MCM9: variants seen among roughly 807,000 people sequenced by gnomAD.
MCM9 encodes minichromosome maintenance 9 homologous recombination repair factor, also known as DNA helicase MCM9.
In MCM9, 55 loss-of-function variants were observed where a neutral mutation model predicts 72.8. That is an observed-to-expected ratio of 0.76 (90% CI 0.61 to 0.95). The LOEUF (loss-of-function observed/expected upper bound fraction) is 0.95, where lower values mean the gene tolerates loss of function less well. Among genes scored for constraint, MCM9 ranks in the 40% least tolerant of loss-of-function variants. MCM9 has a pLI of 0.00. For synonymous variants in MCM9, 480 were observed against 503.4 expected (o/e 0.95, Z 0.62); for missense variants, 1,279 against 1,377.0 (o/e 0.93, Z 1.13).
chr6:118,889,630 T>C (rs917213449), intron 8 of MCM9, among the ~76,000 whole-genome samples: 8 of 152,116 alleles, frequency 5.3e-5, no homozygotes, highest in African/African-American at 1.9e-4. Flanking sequence ...AAGACCTTGA[T>C]TGATAAGAGG....
chr6:118,839,556 T>G (rs906867726), intron 9 of MCM9, among the ~76,000 whole-genome samples: 1 of 152,174 alleles, frequency 6.6e-6, no homozygotes, highest in Non-Finnish European at 1.5e-5. Flanking sequence ...CTCATCTTTG[T>G]GGATTTATCT....
In MCM9 at chr6:118,856,359, A is replaced by G. The variant is rs1776552053; in HGVS notation, c.1325+12T>C. ...ATCTCATTATTCCCATAGATTTTAA[A>G]GAAACTCTTACCCAGCCTTAGCAAC... On this transcript the variant is annotated intron_variant, in intron 9 of 13. Coordinates refer to ENST00000619706, the MANE Select transcript of MCM9 (RefSeq NM_017696.3). The G allele has an allele frequency of 6.6e-7, 1 of 1,524,610 alleles. No individual in the cohort carries two copies. The highest frequency in any genetic ancestry group is 1.2e-5 in the South Asian group (1 of 81,904). 94.4% of individuals were successfully genotyped at this position (1,524,610 alleles called of 1,614,324 possible).
In MCM9 at chr6:118,913,420, C is replaced by T. The variant is rs1433338277; in HGVS notation, c.905G>A (p.Gly302Glu). 13 of 1,611,722 alleles carry T rather than the reference C, an allele frequency of 8.1e-6. No individual in the cohort carries two copies. Among genetic ancestry groups the T allele is most frequent in the Non-Finnish European group, 1.1e-5 (13 of 1,179,372 alleles). ...CAAGCTAGCCAATATTACATTCCTT[C>T]CTAGGAAAAGCAGAAAGATCAGAAA... ...WEYYKSDPFA[G>E]RNVILASLCP... The change falls in exon 7 of 14, where the codon GGA becomes GAA. Residue 302 changes from glycine (G) to glutamate (E), a missense_variant and splice_region_variant. Transcript: ENST00000619706.
intron 3 of MCM9, among the ~76,000 whole-genome samples, chr6:118,928,816 C>G (rs997204998): frequency 6.6e-5 from 10 of 151,058 alleles, no homozygotes; most frequent in African/African-American, 2.4e-4. Flanking sequence ...TGTTGTGCAA[C>G]TGCATTCCAG....
Position 118,843,261 on chromosome 6 carries a change from T to C in MCM9, c.1325+13110A>G, listed in dbSNP as rs150720873. 1.8e-3 allele frequency among the ~76,000 whole-genome samples: 276 copies of C among 151,992 alleles called. 1 individual carries two copies. The highest frequency in any genetic ancestry group is 0.01 in the South Asian group (50 of 4,820). On this transcript the variant is annotated intron_variant, in intron 9 of 13. Transcript: ENST00000619706. ...AGCAATTTGTGAAATCACAGTTAAA[T>C]GAGACACTTAAGTGTGCTTATTTTC...
In MCM9 at chr6:118,924,141, C is replaced by CA. The variant is rs145722019; in HGVS notation, c.305-15dup. ...AGACAGGCAAACCTGATGGAGAAAA[C>CA]AAAAAAACAGCATCAACTTCAATCT... On this transcript the variant is annotated splice_polypyrimidine_tract_variant and intron_variant, in intron 3 of 13. Transcript: ENST00000619706. 1.9e-6 allele frequency: 3 copies of CA among 1,591,070 alleles called. No homozygotes were observed. The highest frequency in any genetic ancestry group is 1.1e-5 in the South Asian group (1 of 89,208).
intron 9 of MCM9, among the ~76,000 whole-genome samples, chr6:118,843,655 T>TATATATATAC (rs1491542240): frequency 2.6e-5 from 1 of 38,616 alleles, no homozygotes; most frequent in African/African-American, 9.9e-5. Flanking sequence ...TATATATATA[T>TATATATATAC]GTGTATATAT....
chr6:118,897,726 A>C (rs1373713972), intron 8 of MCM9, among the ~76,000 whole-genome samples: 1 of 152,128 alleles, frequency 6.6e-6, no homozygotes, highest in Non-Finnish European at 1.5e-5. Flanking sequence ...ACTTTAAAAT[A>C]AATGAACAAA....
intron 9 of MCM9, among the ~76,000 whole-genome samples, chr6:118,834,598 C>T (rs1359060181): frequency 6.6e-6 from 1 of 152,136 alleles, no homozygotes; most frequent in African/African-American, 2.4e-5. Context: ...TTGCACTTCT[C>T]TAATGACTAC....
intron 8 of MCM9, among the ~76,000 whole-genome samples, chr6:118,884,781 C>T (rs1778496758): frequency 6.6e-6 from 1 of 152,012 alleles, no homozygotes; most frequent in African/African-American, 2.4e-5. Flanking sequence ...TATACTAATA[C>T]CAGACAAAAG....
At position 118,924,038 on chromosome 6, in the gene MCM9, G is replaced by A. The variant is rs587777872; in HGVS notation, c.394C>T (p.Arg132Ter). 1.3e-5 allele frequency: 21 copies of A among 1,614,014 alleles called. No individual in the cohort carries two copies. The highest frequency in any genetic ancestry group is 1.7e-5 in the Non-Finnish European group (20 of 1,180,024). The part of the protein sequence containing the change: ...HFLSVTGTVI[R>*]TSLVKVLEFE... ...TCCAGAACCTTCACCAGACTTGTTCGAATCACTGTCCCAGTGACAGATAAA... is the reference window on the plus strand; with the variant it reads ...TCCAGAACCTTCACCAGACTTGTTCAAATCACTGTCCCAGTGACAGATAAA... The change falls in exon 4 of 14, where the codon CGA becomes TGA. Residue 132 changes from arginine (R) to a stop codon, truncating the protein, a stop_gained. Coordinates refer to ENST00000619706, the MANE Select transcript of MCM9 (RefSeq NM_017696.3). LOFTEE classifies it high-confidence loss of function.
intron 13 of MCM9, among the ~76,000 whole-genome samples, chr6:118,816,941 A>G (rs755452052): frequency 2.2e-4 from 33 of 152,334 alleles, no homozygotes; most frequent in South Asian, 1.2e-3. Flanking sequence ...TTTCCTGCAA[A>G]GCCCAGGCAT....
chr6:118,933,941 A>G (rs951236127), intron 1 of MCM9, among the ~76,000 whole-genome samples: 1 of 148,274 alleles, frequency 6.7e-6, no homozygotes, highest in African/African-American at 2.5e-5. Context: ...GGGAAGGAAT[A>G]TCTCCACAAT....
intron 9 of MCM9, among the ~76,000 whole-genome samples, chr6:118,837,618 T>C (rs951152365): frequency 6.6e-6 from 1 of 152,232 alleles, no homozygotes; most frequent in African/African-American, 2.4e-5. Context: ...TTTACCATTA[T>C]GTAGTACCCT....
At chr6:118,848,345 T>C (rs2114651627) in intron 9 of MCM9, among the ~76,000 whole-genome samples, 1 of 151,938 alleles carries the variant, frequency 6.6e-6, no homozygotes, top group South Asian at 2.1e-4. Context: ...AATGAGGCTG[T>C]AGGCATTATA....
chr6:118,921,923 T>C (rs1781462826), intron 5 of MCM9, 82 bp downstream of exon 5: 3 of 1,027,120 alleles, frequency 2.9e-6, no homozygotes, highest in Non-Finnish European at 4.4e-6. Flanking sequence ...GCCAGTGATC[T>C]TGGGAAAATA....
At chr6:118,933,504 C>CA (rs201751510) in intron 1 of MCM9, among the ~76,000 whole-genome samples, 1,790 of 130,902 alleles carry the variant, frequency 0.014, 34 homozygotes, top group Middle Eastern at 0.057. Context: ...GACTCCGCCT[C>CA]AAAAAAAAAA....
chr6:118,913,563 A>G (rs369457037), intron 6 of MCM9, 143 bp from the exon 7 acceptor site: 3 of 1,052,768 alleles, frequency 2.8e-6, no homozygotes, highest in East Asian at 5.2e-5. Flanking sequence ...CCAAATGACC[A>G]ACAGGATTAA....
intron 8 of MCM9, among the ~76,000 whole-genome samples, chr6:118,866,239 A>C (rs1777208735): frequency 6.6e-6 from 1 of 152,212 alleles, no homozygotes; most frequent in African/African-American, 2.4e-5. Context: ...CCTACATGAG[A>C]CAAGTCTGAC....
Sources: allele counts gnomAD v4.1 joint callset (sites outside exome capture counted in the v4.1 genomes callset), GRCh38; gene constraint gnomAD v4.1.1; transcripts MANE v1.5; gene names NCBI Gene and HGNC (gene_info 2026-07-23, HGNC 2026-07-21).